The following BLNK variants were observed in gnomAD, a reference collection of about 807,000 sequenced individuals.
The protein encoded by BLNK is B cell linker.
In BLNK, 29 loss-of-function variants were observed where a neutral mutation model predicts 73.5. The observed-to-expected ratio is 0.39, with a 90% confidence interval of 0.29 to 0.54. BLNK has a LOEUF of 0.54. Among genes scored for constraint, BLNK ranks in the 20% least tolerant of loss-of-function variants. The pLI is 0.61. For missense variants in BLNK, 460 were observed against 562.8 expected, an observed-to-expected ratio of 0.82 and a Z score of 1.85; for synonymous variants, 176 against 200.8, an observed-to-expected ratio of 0.88 and a Z score of 1.04.
intron 2 of BLNK, among the ~76,000 whole-genome samples, chr10:96,243,131 TAAG>T (rs782474343): frequency 6.6e-6 from 1 of 152,156 alleles, no homozygotes. Context: ...TAAGTGTTGA[TAAG>T]AAGGTAAGAT....
chr10:96,256,084 C>G (rs113984585), intron 1 of BLNK, among the ~76,000 whole-genome samples: 216 of 152,252 alleles, frequency 1.4e-3, no homozygotes, highest in Non-Finnish European at 2.2e-3. Flanking sequence ...GTAATCCCAG[C>G]ACTTTGGGAG....
At chr10:96,237,500 T>C (rs1554905331) in intron 3 of BLNK, among the ~76,000 whole-genome samples, 1 of 151,766 alleles carries the variant, frequency 6.6e-6, no homozygotes, top group African/African-American at 2.4e-5. Context: ...AGCCCAAGAG[T>C]GCAAGAGAGG....
At chr10:96,203,182 T>A (rs1554896646) in intron 13 of BLNK, among the ~76,000 whole-genome samples, 1 of 152,206 alleles carries the variant, frequency 6.6e-6, no homozygotes, top group Non-Finnish European at 1.5e-5. Flanking sequence ...CACTAACAAC[T>A]GAATGAATGA....
intron 4 of BLNK, among the ~76,000 whole-genome samples, chr10:96,227,989 G>A (rs1554903004): frequency 6.6e-6 from 1 of 152,070 alleles, no homozygotes; most frequent in Non-Finnish European, 1.5e-5. Context: ...GACACACAGG[G>A]CCAGCTAGAT....
intron 13 of BLNK, among the ~76,000 whole-genome samples, chr10:96,202,205 A>C (rs1554896396): frequency 6.6e-6 from 1 of 152,188 alleles, no homozygotes; most frequent in African/African-American, 2.4e-5. Context: ...AGCTGTAATG[A>C]ACATGATAAG....
chr10:96,225,354 T>C (rs868951702), intron 5 of BLNK, among the ~76,000 whole-genome samples: 1 of 152,198 alleles, frequency 6.6e-6, no homozygotes, highest in African/African-American at 2.4e-5. Context: ...TGTCCTTGCC[T>C]GTTAGGCCCT....
chr10:96,205,145 A>G (rs1404277037), intron 11 of BLNK: 2 of 161,012 alleles, frequency 1.2e-5, no homozygotes, highest in African/African-American at 4.8e-5. Context: ...TAATAATGTA[A>G]ATCTCACTTG....
chr10:96,228,014 A>AT (rs1372525936), intron 4 of BLNK, among the ~76,000 whole-genome samples: 2 of 151,954 alleles, frequency 1.3e-5, no homozygotes, highest in Non-Finnish European at 2.9e-5. Context: ...TTCAGATGAG[A>AT]TTTTTTAAAA....
At chr10:96,223,114 G>T (rs1460634708) in intron 6 of BLNK, among the ~76,000 whole-genome samples, 8 of 152,162 alleles carry the variant, frequency 5.3e-5, no homozygotes, top group African/African-American at 1.7e-4. Flanking sequence ...CGTTTAACTG[G>T]TACTTGACCT....
intron 1 of BLNK, among the ~76,000 whole-genome samples, chr10:96,253,798 G>A (rs1843389087): frequency 1.3e-5 from 2 of 152,024 alleles, no homozygotes. Context: ...GGCCGATCAT[G>A]AGGTCAGGAG....
rs1370005754 is a variant in BLNK, at chr10:96,190,513, ATATC to A, written c.*1456_*1459del. Among the ~76,000 whole-genome samples the A allele has an allele frequency of 1.3e-5, 2 of 152,194 alleles. No individual in the cohort carries two copies. The highest frequency in any genetic ancestry group is 2.9e-5 in the Non-Finnish European group (2 of 68,028). On this transcript the variant is annotated 3_prime_UTR_variant, in exon 17 of 17. Transcript: ENST00000224337. ...TGGCCTTATGGATTAGGACTTCAAC[ATATC>A]TTTTTGAGGGGACCACAGTTCAATC...
chr10:96,219,649 G>T (rs2084149381), intron 6 of BLNK, among the ~76,000 whole-genome samples: 1 of 152,180 alleles, frequency 6.6e-6, no homozygotes, highest in Non-Finnish European at 1.5e-5. Flanking sequence ...TGCAGTGCTT[G>T]ATTACAGAAA....
intron 1 of BLNK, among the ~76,000 whole-genome samples, chr10:96,269,123 T>C (rs1353204432): frequency 6.6e-6 from 1 of 152,192 alleles, no homozygotes; most frequent in African/African-American, 2.4e-5. Flanking sequence ...ACAGTACATT[T>C]TACCACAACA....
intron 8 of BLNK, chr10:96,210,132 G>C (rs1427982329): frequency 1.2e-5 from 7 of 588,110 alleles, no homozygotes; most frequent in African/African-American, 1.1e-4. Flanking sequence ...TGGGATGGGG[G>C]TTAGGGACTC....
intron 3 of BLNK, among the ~76,000 whole-genome samples, chr10:96,231,763 G>C (rs1371421496): frequency 1.3e-5 from 2 of 150,256 alleles, no homozygotes; most frequent in African/African-American, 4.9e-5. Flanking sequence ...CCTAAACCTT[G>C]TGAGGAAACT....
In BLNK at chr10:96,220,659, A is replaced by G. The variant is rs2084177920; in HGVS notation, c.525+3167T>C. Among the ~76,000 whole-genome samples, 3 of 152,180 alleles carry G rather than the reference A, an allele frequency of 2.0e-5. No homozygotes were observed. In the South Asian group the frequency reaches 6.2e-4, roughly 32 times the overall value. On this transcript the variant is annotated intron_variant, in intron 6 of 16. Transcript: ENST00000224337. ...CCAACCCCCTTCTTTCATGAACAAA[A>G]CACAAAAACTTGACTTCAGTGAATC... is the stretch of plus-strand genomic sequence containing the variant.
rs912030967 is a variant in BLNK, at chr10:96,196,756, A to C, written c.1251+152T>G. 58 of 732,296 alleles carry C rather than the reference A, an allele frequency of 7.9e-5. No homozygotes were observed. The African/African-American group carries it at 9.9e-4, about 13-fold the overall frequency. 45.4% of individuals were successfully genotyped at this position (732,296 alleles called of 1,614,324 possible). A position where few individuals can be genotyped will look rare whatever the true frequency, so the allele number is the denominator to read the frequency against. The stretch of plus-strand genomic sequence containing the variant: ...CTTATAGGATATACTGCCTAAATAT[A>C]GTATTTTATCTTGTTCTCTATGACA... On this transcript the variant is annotated intron_variant, in intron 16 of 16. Transcript: ENST00000224337.
At chr10:96,250,280 A>T (rs1554908790) in intron 1 of BLNK, among the ~76,000 whole-genome samples, 1 of 152,188 alleles carries the variant, frequency 6.6e-6, no homozygotes. Flanking sequence ...ATTTGTTCAC[A>T]TATACTCTAT....
rs1554896948 is a variant in BLNK, at chr10:96,204,542, G to A, written c.892C>T (p.Pro298Ser). 2 of 1,614,034 alleles carry A rather than the reference G, an allele frequency of 1.2e-6. No individual in the cohort carries two copies. Among genetic ancestry groups the A allele is most frequent in the Non-Finnish European group, 8.5e-7 (1 of 1,179,924 alleles). The part of the protein sequence containing the change: ...QEAVQSPVFP[P>S]AQKQIHQKPI... ...GGAAAGGATTCTTACTTCTGGGCAGGAGGAAACACTGGTGACTGCACAGCT... is the reference window on the plus strand; with the variant it reads ...GGAAAGGATTCTTACTTCTGGGCAGAAGGAAACACTGGTGACTGCACAGCT... Residue 298 changes from proline to serine, a missense_variant, in exon 12 of 17, where the codon CCT (proline) becomes TCT (serine). By Grantham distance (74) the Pro-to-Ser change is moderately conservative. Coordinates refer to ENST00000224337, the MANE Select transcript of BLNK (RefSeq NM_013314.4).
Sources: allele counts gnomAD v4.1 joint callset (sites outside exome capture counted in the v4.1 genomes callset), GRCh38; gene constraint gnomAD v4.1.1; transcripts MANE v1.5; gene names NCBI Gene and HGNC (gene_info 2026-07-23, HGNC 2026-07-21).